Variants in PYY observed in about 807,000 individuals in gnomAD.
PYY encodes peptide tyrosine tyrosine.
In PYY, 12 loss-of-function variants were observed where a neutral mutation model predicts 10.3. That is an observed-to-expected ratio of 1.17 (90% CI 0.75 to 1.89). The LOEUF (loss-of-function observed/expected upper bound fraction) is 1.89. Ranked by LOEUF, PYY falls within the 40% of genes most tolerant of loss-of-function variation. PYY has a pLI of 0.00. For synonymous variants in PYY, 66 were observed against 62.0 expected (o/e 1.06, Z -0.30); for missense variants, 141 against 134.0 (o/e 1.05, Z -0.26).
intron 2 of PYY, among the ~76,000 whole-genome samples, chr17:43,960,044 G>A (rs549625904): frequency 2.4e-4 from 36 of 152,330 alleles, no homozygotes; most frequent in African/African-American, 7.9e-4. Flanking sequence ...GAATCAGTCA[G>A]TCAACATGTG....
At chr17:43,964,824 T>C (rs1481172935) in intron 2 of PYY, among the ~76,000 whole-genome samples, 1 of 152,128 alleles carries the variant, frequency 6.6e-6, no homozygotes, top group South Asian at 2.1e-4. Context: ...AAAAATCAAC[T>C]GTTTTCCGTA....
At chr17:43,995,212 T>C (rs1207458855) in intron 1 of PYY, among the ~76,000 whole-genome samples, 3 of 152,190 alleles carry the variant, frequency 2.0e-5, no homozygotes, top group African/African-American at 7.2e-5. Flanking sequence ...TATTCACCCT[T>C]AGGATATTTT....
At chr17:43,963,858 A>G (rs1322643953) in intron 2 of PYY, among the ~76,000 whole-genome samples, 2 of 152,068 alleles carry the variant, frequency 1.3e-5, no homozygotes, top group African/African-American at 4.8e-5. Context: ...GGAAAAAAAT[A>G]CAAAAAATAG....
chr17:43,989,040 G>A (rs1308452872), intron 1 of PYY, among the ~76,000 whole-genome samples: 1 of 147,356 alleles, frequency 6.8e-6, no homozygotes, highest in Non-Finnish European at 1.5e-5. Flanking sequence ...GAGATTACAA[G>A]TGTGAGCCAC....
intron 1 of PYY, among the ~76,000 whole-genome samples, chr17:43,986,159 T>C (rs756821367): frequency 1.3e-5 from 2 of 152,136 alleles, no homozygotes; most frequent in African/African-American, 2.4e-5. Context: ...CCTGGGAGGC[T>C]GAGGCAGGAG....
Position 43,966,264 on chromosome 17 carries a change from A to G in PYY, c.-218+24T>C, listed in dbSNP as rs2048755448. On this transcript the variant is annotated intron_variant, in intron 2 of 6. Transcript: ENST00000360085. ...TTTACAGAATATGAAACTGACACAG[A>G]GAGAGGTCAAGTCAGTAGCTCACCC... The G allele has an allele frequency of 3.3e-5, 5 of 153,412 alleles. No homozygotes were observed. The South Asian group carries it at 1.0e-3, about 32-fold the overall frequency. The allele number at this position is 153,412 out of a possible 1,614,324, so 9.5% of individuals were successfully genotyped here. A position where few individuals can be genotyped will look rare whatever the true frequency, so the allele number is the denominator to read the frequency against.
intron 1 of PYY, among the ~76,000 whole-genome samples, chr17:43,982,470 C>G (rs1254196457): frequency 1.3e-5 from 2 of 152,180 alleles, no homozygotes; most frequent in Non-Finnish European, 2.9e-5. Context: ...GAACCATGCC[C>G]CTAGATGTGA....
chr17:43,987,834 A>G lies in PYY; in HGVS notation c.-463+16557T>C, dbSNP rs1421560479. On this transcript the variant is annotated intron_variant, in intron 1 of 6. Transcript: ENST00000360085. This position sits in a 1 kb window ranked among gnomAD's most constrained non-coding sequence, Gnocchi z 4.0. ...ACAAACAGATGAACAGAGAACTAAA[A>G]TTAGCAATAGGGAGGGAGGAAGGGG... 6.6e-6 allele frequency among the ~76,000 whole-genome samples: 1 copy of G among 152,184 alleles called. No homozygotes were observed. The highest frequency in any genetic ancestry group is 1.5e-5 in the Non-Finnish European group (1 of 68,028).
At chr17:43,988,769 C>T (rs779962056) in intron 1 of PYY, among the ~76,000 whole-genome samples, 3 of 137,214 alleles carry the variant, frequency 2.2e-5, no homozygotes, top group Non-Finnish European at 4.7e-5. Context: ...TTCTTTCTGT[C>T]TTTTTTTTTT....
At chr17:43,979,644 C>G (rs1218690294) in intron 1 of PYY, among the ~76,000 whole-genome samples, 1 of 151,830 alleles carries the variant, frequency 6.6e-6, no homozygotes, top group Non-Finnish European at 1.5e-5. Flanking sequence ...CACCGCTGCA[C>G]TCCAGCCTGG....
rs1333536495 is a variant in PYY, at chr17:43,975,872, GTC to G, written c.-462-9342_-462-9341del. 3.3e-3 allele frequency among the ~76,000 whole-genome samples: 25 copies of G among 7,688 alleles called. 4 individuals carry two copies. Among genetic ancestry groups the G allele is most frequent in the Admixed American group, 0.015 (7 of 454 alleles). 5.0% of individuals were successfully genotyped at this position (7,688 alleles called of 152,430 possible). ...TGTCTACGTACGTGTACATACACGT[GTC>G]TACGTACGTGTACATACACGTGTCT... On this transcript the variant is annotated intron_variant, in intron 1 of 6. Transcript: ENST00000360085.
chr17:43,976,950 C>T (rs2048853361), intron 1 of PYY, among the ~76,000 whole-genome samples: 1 of 152,180 alleles, frequency 6.6e-6, no homozygotes, highest in African/African-American at 2.4e-5. Context: ...ACCCGATACA[C>T]ATCCCTTCTT....
chr17:43,963,511 A>AG (rs2048726664), intron 2 of PYY, among the ~76,000 whole-genome samples: 1 of 149,628 alleles, frequency 6.7e-6, no homozygotes, highest in Non-Finnish European at 1.5e-5. Context: ...CCATCTCAAA[A>AG]AAAAAAAAAA....
intron 1 of PYY, among the ~76,000 whole-genome samples, chr17:43,974,400 T>TG (rs1419047914): frequency 3.3e-5 from 5 of 151,912 alleles, no homozygotes; most frequent in Admixed American, 3.3e-4. Flanking sequence ...TGGAGGGAGG[T>TG]GTCCCATGGT....
chr17:43,975,726 ATAT>A lies in PYY; in HGVS notation c.-462-9197_-462-9195del, dbSNP rs1215123764. Among the ~76,000 whole-genome samples, 28 of 74,592 alleles carry A rather than the reference ATAT, an allele frequency of 3.8e-4. 3 individuals carry two copies. In the East Asian group the frequency reaches 0.012, roughly 31 times the overall value. 48.9% of individuals were successfully genotyped at this position (74,592 alleles called of 152,430 possible). ...AGGAGTAAGACCCTGAAAAAAAAAA[ATAT>A]ATATATATATATATATACACACACA... On this transcript the variant is annotated intron_variant, in intron 1 of 6. Transcript: ENST00000360085.
At chr17:43,962,190 G>C (rs1597844792) in intron 2 of PYY, among the ~76,000 whole-genome samples, 1 of 152,200 alleles carries the variant, frequency 6.6e-6, no homozygotes, top group East Asian at 1.9e-4. Flanking sequence ...GTGAGCAAGA[G>C]TGATGTGTGC....
upstream of PYY, among the ~76,000 whole-genome samples, chr17:43,955,379 C>T (rs548912081): frequency 4.6e-5 from 7 of 152,258 alleles, no homozygotes; most frequent in South Asian, 2.1e-4. Context: ...TGGCTGTGGG[C>T]GCTATTTTTA....
Position 43,987,566 on chromosome 17 carries a change from T to C in PYY, c.-463+16825A>G, listed in dbSNP as rs527761910. On this transcript the variant is annotated intron_variant, in intron 1 of 6. Transcript: ENST00000360085. The surrounding 1 kb of genome is among the most constrained non-coding windows in gnomAD (Gnocchi z 4.0). ...CCCCATCCAGCAATCTGTCTCCAGG[T>C]CTTGGAGCAGACAGCTCAGAATGAC... Among the ~76,000 whole-genome samples the C allele has an allele frequency of 6.6e-6, 1 of 152,322 alleles. No homozygotes were observed. The highest frequency in any genetic ancestry group is 2.4e-5 in the African/African-American group (1 of 41,576).
chr17:43,957,306 G>T (rs1377633544), upstream of PYY, among the ~76,000 whole-genome samples: 2 of 152,054 alleles, frequency 1.3e-5, no homozygotes, highest in African/African-American at 4.8e-5. Context: ...GAACAAACAG[G>T]CAAAATCCTT....
Sources: gnomAD v4.1 joint callset for allele counts (sites outside exome capture counted in the v4.1 genomes callset) on GRCh38, gnomAD v4.1.1 for gene constraint, Gnocchi (gnomAD v3.1) non-coding constraint, MANE v1.5 for transcripts, NCBI Gene and HGNC (gene_info 2026-07-23, HGNC 2026-07-21) for gene names.